The following SEC24D variants were observed in gnomAD, a reference collection of about 807,000 sequenced individuals.
The protein encoded by SEC24D is SEC24 homolog D, COPII component, also known as protein transport protein Sec24D.
In SEC24D, 69 loss-of-function variants were observed where a neutral mutation model predicts 116.9. The observed-to-expected ratio is 0.59, with a 90% CI of 0.49 to 0.72. The LOEUF is 0.72. Among genes scored for constraint, SEC24D ranks in the 30% least tolerant of loss-of-function variants. The pLI, the probability that SEC24D is intolerant of heterozygous loss-of-function variation, is 0.00. For synonymous variants in SEC24D, 405 were observed against 442.8 expected, an observed-to-expected ratio of 0.91 and a Z score of 1.07; for missense variants, 1,131 against 1,264.1, an observed-to-expected ratio of 0.89 and a Z score of 1.60.
chr4:118,815,314 C>T, intron 5 of SEC24D, 137 bp downstream of exon 5: 3 of 1,374,874 alleles, frequency 2.2e-6, no homozygotes, highest in Non-Finnish European at 3.0e-6. Flanking sequence ...TTTCTTTGCT[C>T]TTGCCAAAAC....
chr4:118,729,314 A>G (rs1472224591), intron 21 of SEC24D: 1 of 152,132 alleles, frequency 6.6e-6, no homozygotes, highest in African/African-American at 2.4e-5. Context: ...GTTATATGCA[A>G]ATACCATGCC....
At chr4:118,777,904 G>A (rs1728220705) in intron 8 of SEC24D, among the ~76,000 whole-genome samples, 1 of 152,216 alleles carries the variant, frequency 6.6e-6, no homozygotes, top group African/African-American at 2.4e-5. Flanking sequence ...CTCCATAAAT[G>A]TCCTCTTTTG....
chr4:118,747,358 C>A (rs1011005213), intron 13 of SEC24D, among the ~76,000 whole-genome samples: 1 of 148,200 alleles, frequency 6.7e-6, no homozygotes, highest in Non-Finnish European at 1.5e-5. Context: ...CCTCTGCCTC[C>A]TGGGTTCAAG....
In SEC24D at chr4:118,764,876, T is replaced by G. The variant is rs141939644; in HGVS notation, c.1222A>C (p.Arg408=). The change falls in exon 10 of 23, where the codon AGA becomes CGA. Residue 408 remains arginine (R), a synonymous_variant. Coordinates refer to ENST00000280551, the MANE Select transcript of SEC24D (RefSeq NM_014822.4). The stretch of plus-strand genomic sequence containing the variant: ...TCTGGTTTCTCATAGTGGTCCAGTC[T>G]TCTTCCAATGTGGTCCAGATGTTGG... ...YFQHLDHIGR[R]LDHYEKPELS... 5.9e-5 allele frequency: 95 copies of G among 1,610,656 alleles called. No individual in the cohort carries two copies. In the African/African-American group the frequency reaches 1.1e-3, roughly 19 times the overall value.
chr4:118,728,418 T>G, intron 22 of SEC24D, 143 bp downstream of exon 22: 1 of 596,146 alleles, frequency 1.7e-6, no homozygotes, highest in Non-Finnish European at 2.9e-6. Flanking sequence ...AATGTGAGGT[T>G]TTTTTAACTT....
At chr4:118,828,968 C>T (rs1258893478) in intron 2 of SEC24D, among the ~76,000 whole-genome samples, 1 of 152,206 alleles carries the variant, frequency 6.6e-6, no homozygotes, top group Non-Finnish European at 1.5e-5. Flanking sequence ...CCGACCTGGC[C>T]AATTCTCACT....
rs1409429683 is a variant in SEC24D, at chr4:118,723,331, A to G, written c.*184T>C. 1 of 550,784 alleles carries G rather than the reference A, an allele frequency of 1.8e-6. No individual in the cohort carries two copies. The highest frequency in any genetic ancestry group is 3.0e-5 in the East Asian group (1 of 33,664). 34.1% of individuals were successfully genotyped at this position (550,784 alleles called of 1,614,324 possible). Reference sequence around the variant, plus strand: ...AACAGATTGTTCCCTTTATGGTACAATTGTACCTTAATTGGCTTTATACCT... The same window carrying G: ...AACAGATTGTTCCCTTTATGGTACAGTTGTACCTTAATTGGCTTTATACCT... On this transcript the variant is annotated 3_prime_UTR_variant, in exon 23 of 23. Coordinates refer to ENST00000280551, the MANE Select transcript of SEC24D (RefSeq NM_014822.4).
intron 6 of SEC24D, 60 bp downstream of exon 6, chr4:118,814,968 T>C: frequency 6.4e-7 from 1 of 1,567,700 alleles, no homozygotes; most frequent in Non-Finnish European, 8.7e-7. Flanking sequence ...ACTGATGAGT[T>C]GCTGAGAAAA....
intron 7 of SEC24D, among the ~76,000 whole-genome samples, chr4:118,805,154 G>C (rs891892842): frequency 2.0e-5 from 3 of 152,140 alleles, no homozygotes; most frequent in African/African-American, 4.8e-5. Context: ...TGGCACAGAG[G>C]ATAGAGAGAG....
chr4:118,831,974 G>A (rs534563415), intron 2 of SEC24D, among the ~76,000 whole-genome samples: 11 of 152,244 alleles, frequency 7.2e-5, no homozygotes, highest in African/African-American at 2.6e-4. Context: ...AGGTGGAGGC[G>A]GGTGGATCAC....
intron 20 of SEC24D, among the ~76,000 whole-genome samples, chr4:118,732,400 A>G (rs1177094115): frequency 6.6e-6 from 1 of 152,118 alleles, no homozygotes; most frequent in Non-Finnish European, 1.5e-5. Flanking sequence ...TTGGCCTCCC[A>G]AAGTGCTGGG....
At chr4:118,763,351 T>A (rs930947988) in intron 10 of SEC24D, among the ~76,000 whole-genome samples, 7 of 151,828 alleles carry the variant, frequency 4.6e-5, no homozygotes, top group African/African-American at 1.2e-4. Flanking sequence ...ATGGAAAAAA[T>A]TTTAAGAGCC....
At chr4:118,834,655 T>C (rs1431695817) in intron 1 of SEC24D, among the ~76,000 whole-genome samples, 1 of 152,214 alleles carries the variant, frequency 6.6e-6, no homozygotes, top group Non-Finnish European at 1.5e-5. Flanking sequence ...ATTCTATGTC[T>C]GCCATACTTA....
At chr4:118,806,071 A>C in intron 6 of SEC24D, 117 bp from the exon 7 acceptor site, 1 of 661,814 alleles carries the variant, frequency 1.5e-6, no homozygotes, top group East Asian at 2.9e-5. Flanking sequence ...CAATATTCAC[A>C]CACACAGAGA....
At chr4:118,800,120 C>T (rs77449545) in intron 7 of SEC24D, among the ~76,000 whole-genome samples, 11,205 of 151,994 alleles carry the variant, frequency 0.074, 831 homozygotes, top group East Asian at 0.23. Context: ...TGGGAGGATG[C>T]GCTGAGACTG....
At chr4:118,807,792 G>A (rs773442439) in intron 6 of SEC24D, among the ~76,000 whole-genome samples, 1 of 152,130 alleles carries the variant, frequency 6.6e-6, no homozygotes, top group Admixed American at 6.5e-5. Flanking sequence ...AATTTCATAG[G>A]ATGTGAATTG....
intron 3 of SEC24D, among the ~76,000 whole-genome samples, chr4:118,821,070 G>A (rs115209862): frequency 0.044 from 6,650 of 152,180 alleles, 201 homozygotes; most frequent in Non-Finnish European, 0.064. Flanking sequence ...AAGATGCCAA[G>A]TTTTTCAAGA....
intron 19 of SEC24D, among the ~76,000 whole-genome samples, chr4:118,735,044 AT>A (rs1252842662): frequency 6.6e-6 from 1 of 152,174 alleles, no homozygotes; most frequent in Admixed American, 6.5e-5. Context: ...TCAGATTGAA[AT>A]TTCACTGGTT....
At chr4:118,822,497 A>G (rs28553388) in intron 3 of SEC24D, among the ~76,000 whole-genome samples, 2,036 of 152,300 alleles carry the variant, frequency 0.013, 45 homozygotes, top group African/African-American at 0.046. Context: ...ACATTCTTCT[A>G]AACTTGAAAC....
Sources: allele counts gnomAD v4.1 joint callset (sites outside exome capture counted in the v4.1 genomes callset), GRCh38; gene constraint gnomAD v4.1.1; transcripts MANE v1.5; gene names NCBI Gene and HGNC (gene_info 2026-07-23, HGNC 2026-07-21).